Variants in CNTNAP5 observed in about 807,000 individuals in gnomAD.
CNTNAP5 encodes contactin-associated protein-like 5.
Under a neutral mutation model 150.2 loss-of-function variants are expected in CNTNAP5, and 72 were observed. That is an observed-to-expected ratio of 0.48 (90% CI 0.40 to 0.58). CNTNAP5 has a LOEUF of 0.58. CNTNAP5 is among the 20% of genes least tolerant of loss of function. CNTNAP5 has a pLI of 0.00. For synonymous variants in CNTNAP5, 672 were observed against 619.8 expected, an observed-to-expected ratio of 1.08 and a Z score of -1.25; for missense variants, 1,636 against 1,626.2, an observed-to-expected ratio of 1.01 and a Z score of -0.10.
intron 21 of CNTNAP5, among the ~76,000 whole-genome samples, chr2:124,883,427 G>A (rs1032565672): frequency 1.3e-5 from 2 of 151,976 alleles, no homozygotes; most frequent in African/African-American, 4.8e-5. Context: ...TTTGGCTTGA[G>A]GTGGGAGATA....
intron 16 of CNTNAP5, among the ~76,000 whole-genome samples, chr2:124,765,600 A>G (rs138331794): frequency 1.3e-5 from 2 of 152,324 alleles, no homozygotes; most frequent in East Asian, 1.9e-4. Context: ...AAGTTTATAT[A>G]TACATTGTTA....
At chr2:124,337,349 T>C (rs1231077669) in intron 3 of CNTNAP5, among the ~76,000 whole-genome samples, 2 of 152,206 alleles carry the variant, frequency 1.3e-5, no homozygotes, top group East Asian at 3.8e-4. Flanking sequence ...TGGTACTTTC[T>C]TTTGCTGCGC....
chr2:124,223,307 T>C (rs1237425160), intron 2 of CNTNAP5, among the ~76,000 whole-genome samples: 2 of 152,072 alleles, frequency 1.3e-5, no homozygotes, highest in African/African-American at 4.8e-5. Flanking sequence ...TCAACCACAG[T>C]TCAAATGCGA....
chr2:124,216,993 T>G (rs1328169004), intron 1 of CNTNAP5, among the ~76,000 whole-genome samples: 1 of 152,200 alleles, frequency 6.6e-6, no homozygotes, highest in East Asian at 1.9e-4. Flanking sequence ...TAAACTAGTT[T>G]ACGGTCCCAC....
chr2:124,355,227 T>C (rs1689966939), intron 3 of CNTNAP5, among the ~76,000 whole-genome samples: 1 of 152,104 alleles, frequency 6.6e-6, no homozygotes, highest in Non-Finnish European at 1.5e-5. Flanking sequence ...TAAGTATATT[T>C]TTCTGCAAAA....
intron 1 of CNTNAP5, among the ~76,000 whole-genome samples, chr2:124,180,982 A>G (rs1214771919): frequency 6.6e-6 from 1 of 152,000 alleles, no homozygotes; most frequent in Non-Finnish European, 1.5e-5. Flanking sequence ...CAAGGCCACC[A>G]TGAAGTCCCC....
At chr2:124,217,892 T>G (rs1686199512) in intron 1 of CNTNAP5, among the ~76,000 whole-genome samples, 1 of 152,056 alleles carries the variant, frequency 6.6e-6, no homozygotes. Context: ...TTGCAGACAG[T>G]GAAAATAAAA....
chr2:124,497,327 A>T (rs1437989742), intron 7 of CNTNAP5, among the ~76,000 whole-genome samples: 1 of 152,188 alleles, frequency 6.6e-6, no homozygotes, highest in Non-Finnish European at 1.5e-5. Flanking sequence ...CCACTAATAG[A>T]AACACCTCTG....
At chr2:124,239,536 A>C (rs1244680221) in intron 2 of CNTNAP5, among the ~76,000 whole-genome samples, 1 of 152,204 alleles carries the variant, frequency 6.6e-6, no homozygotes, top group Non-Finnish European at 1.5e-5. Flanking sequence ...TAAAATTCTC[A>C]GCTTATAAAA....
intron 21 of CNTNAP5, among the ~76,000 whole-genome samples, chr2:124,899,545 C>G (rs1007568222): frequency 5.3e-5 from 8 of 151,462 alleles, no homozygotes; most frequent in Non-Finnish European, 1.2e-4. Flanking sequence ...TTCCAAGATG[C>G]CTTTGGTTTC....
At chr2:124,109,186 T>C (rs1573759432) in intron 1 of CNTNAP5, among the ~76,000 whole-genome samples, 1 of 152,144 alleles carries the variant, frequency 6.6e-6, no homozygotes, top group East Asian at 1.9e-4. Context: ...TTTAAATTTG[T>C]GCTTTTTAAC....
intron 3 of CNTNAP5, among the ~76,000 whole-genome samples, chr2:124,342,860 G>A (rs1292123711): frequency 6.6e-6 from 1 of 151,896 alleles, no homozygotes; most frequent in African/African-American, 2.4e-5. Flanking sequence ...GGTTTTTCAT[G>A]AGTTCAGTCC....
At chr2:124,531,011 AT>A (rs1212893562) in intron 10 of CNTNAP5, among the ~76,000 whole-genome samples, 4 of 152,154 alleles carry the variant, frequency 2.6e-5, no homozygotes, top group African/African-American at 9.6e-5. Flanking sequence ...TGTGCACTTG[AT>A]TTCTATTATT....
chr2:124,097,802 G>A (rs539952526), intron 1 of CNTNAP5, among the ~76,000 whole-genome samples: 1 of 152,310 alleles, frequency 6.6e-6, no homozygotes, highest in South Asian at 2.1e-4. Flanking sequence ...GCCGAGGCGG[G>A]AGGATCACGA....
At position 124,025,665 on chromosome 2, in the gene CNTNAP5, A is replaced by G; in HGVS notation, c.15A>G (p.Pro5=). 6.2e-7 allele frequency: 1 copy of G among 1,613,802 alleles called. No homozygotes were observed. Among genetic ancestry groups the G allele is most frequent in the Non-Finnish European group, 8.5e-7 (1 of 1,179,862 alleles). Residue 5 remains proline, a synonymous_variant, in exon 1 of 24, where the codon CCA becomes CCG. Transcript: ENST00000682447. Reference sequence around the variant, plus strand: ...ACTCGGGGGAAATGGATTCTTTACCACGGCTGACCAGCGTTTTGACTTTGC... The same window carrying G: ...ACTCGGGGGAAATGGATTCTTTACCGCGGCTGACCAGCGTTTTGACTTTGC... MDSL[P]RLTSVLTLLF...
intron 1 of CNTNAP5, among the ~76,000 whole-genome samples, chr2:124,138,077 G>T (rs1302283003): frequency 6.6e-6 from 1 of 152,168 alleles, no homozygotes; most frequent in Non-Finnish European, 1.5e-5. Context: ...GAGAAAGTTA[G>T]AGATGATCCT....
Position 124,902,940 on chromosome 2 carries a change from C to A in CNTNAP5, c.3495C>A (p.Cys1165Ter). Residue 1165 changes from cysteine to a stop codon, truncating the protein, a stop_gained, in exon 22 of 24, where the codon TGC becomes TGA. Coordinates refer to ENST00000682447, the MANE Select transcript of CNTNAP5 (RefSeq NM_001367498.1). LOFTEE classifies it high-confidence loss of function. Reference sequence around the variant, plus strand: ...CAAATGCCATGGGTTTTGCTGGATGCATGTCTTCCGTCCAGTACAACCACA... The same window carrying A: ...CAAATGCCATGGGTTTTGCTGGATGAATGTCTTCCGTCCAGTACAACCACA... ...AKANAMGFAG[C>*]MSSVQYNHIA... 6.2e-7 allele frequency: 1 copy of A among 1,612,902 alleles called. No individual in the cohort carries two copies. Among genetic ancestry groups the A allele is most frequent in the Non-Finnish European group, 8.5e-7 (1 of 1,179,246 alleles).
At chr2:124,361,615 C>A (rs1690199979) in intron 3 of CNTNAP5, among the ~76,000 whole-genome samples, 4 of 139,180 alleles carry the variant, frequency 2.9e-5, no homozygotes, top group Admixed American at 7.0e-5. Context: ...CCCAGTTAGG[C>A]TGCTCGGGGG....
In CNTNAP5 at chr2:124,599,590, G is replaced by T. The variant is rs367647551; in HGVS notation, c.1757-10211G>T. 3.9e-5 allele frequency among the ~76,000 whole-genome samples: 6 copies of T among 152,200 alleles called. No homozygotes were observed. The South Asian group carries it at 6.2e-4, about 16-fold the overall frequency. On this transcript the variant is annotated intron_variant, in intron 11 of 23. Coordinates refer to ENST00000682447, the MANE Select transcript of CNTNAP5 (RefSeq NM_001367498.1). The stretch of plus-strand genomic sequence containing the variant: ...TTTACTTTACATAACAAATGTGGAA[G>T]ATGGGAAGATATCTTTCTTCTTCTG...
Sources: allele counts gnomAD v4.1 joint callset (sites outside exome capture counted in the v4.1 genomes callset), GRCh38; gene constraint gnomAD v4.1.1; transcripts MANE v1.5; gene names NCBI Gene and HGNC (gene_info 2026-07-23, HGNC 2026-07-21).